Variants in DPYD observed in about 807,000 individuals in gnomAD.
DPYD encodes dihydropyrimidine dehydrogenase [NADP(+)].
Under a neutral mutation model 116.2 loss-of-function variants are expected in DPYD, and 109 were observed. The observed-to-expected ratio is 0.94, with a 90% CI of 0.80 to 1.10. DPYD has a LOEUF of 1.10. Ranked by LOEUF, DPYD falls within the 50% of genes least tolerant of loss-of-function variation. The probability of loss-of-function intolerance (pLI) is 0.00; values close to 1 mark genes in which losing one functional copy is unlikely to be tolerated. For synonymous variants in DPYD, 440 were observed against 432.0 expected (o/e 1.02, Z -0.23); for missense variants, 1,302 against 1,254.5 (o/e 1.04, Z -0.57).
At chr1:97,496,470 T>C (rs1290133004) in intron 13 of DPYD, among the ~76,000 whole-genome samples, 1 of 152,078 alleles carries the variant, frequency 6.6e-6, no homozygotes, top group Non-Finnish European at 1.5e-5. Context: ...ATATAGTTCA[T>C]TATCCTTTAA....
At chr1:97,265,293 CCTAAT>C (rs766695679) in intron 18 of DPYD, 9 of 152,228 alleles carry the variant, frequency 5.9e-5, no homozygotes, top group African/African-American at 1.7e-4. Context: ...TTCTCTGACC[CCTAAT>C]CTAAAGTCCC....
intron 18 of DPYD, among the ~76,000 whole-genome samples, chr1:97,272,358 G>A (rs138992711): frequency 2.6e-5 from 4 of 152,132 alleles, no homozygotes; most frequent in African/African-American, 9.6e-5. Flanking sequence ...CTGAGTAAAC[G>A]ATCATCAACC....
At chr1:97,327,493 A>T (rs1668767698) in intron 16 of DPYD, among the ~76,000 whole-genome samples, 1 of 152,018 alleles carries the variant, frequency 6.6e-6, no homozygotes, top group South Asian at 2.1e-4. Context: ...AATAAAGAAG[A>T]AAAAACTAAA....
At chr1:97,436,277 C>G (rs185603423) in intron 14 of DPYD, among the ~76,000 whole-genome samples, 1 of 152,114 alleles carries the variant, frequency 6.6e-6, no homozygotes, top group African/African-American at 2.4e-5. Flanking sequence ...TGAAATATTA[C>G]TAAATTGATA....
chr1:97,240,787 T>C (rs1662284607), intron 18 of DPYD, among the ~76,000 whole-genome samples: 2 of 149,794 alleles, frequency 1.3e-5, no homozygotes, highest in South Asian at 2.2e-4. Flanking sequence ...AACCTACATA[T>C]AAATGAACCA....
chr1:97,907,465 G>A (rs1275562548), intron 1 of DPYD, among the ~76,000 whole-genome samples: 1 of 152,072 alleles, frequency 6.6e-6, no homozygotes, highest in Non-Finnish European at 1.5e-5. Flanking sequence ...TCACGATCTC[G>A]ATTTTATAGA....
chr1:97,813,915 GACACACACACACAC>G (rs59229553), intron 3 of DPYD, among the ~76,000 whole-genome samples: 2 of 144,628 alleles, frequency 1.4e-5, no homozygotes, highest in African/African-American at 5.1e-5. Context: ...GAAACACACA[GACACACACACACAC>G]ACACACACAC....
At chr1:97,220,990 G>A (rs890655163) in intron 19 of DPYD, among the ~76,000 whole-genome samples, 6 of 152,134 alleles carry the variant, frequency 3.9e-5, no homozygotes, top group Non-Finnish European at 8.8e-5. Flanking sequence ...TAGAGCCCAG[G>A]AGCCCCAGAG....
chr1:97,545,584 G>A (rs2811167), intron 12 of DPYD: 13,998 of 476,816 alleles, frequency 0.029, 424 homozygotes, highest in African/African-American at 0.12. Flanking sequence ...GTAGATTAGA[G>A]ACACAAGGGA....
chr1:97,235,053 A>G, intron 18 of DPYD, 59 bp from the exon 19 acceptor site: 3 of 1,598,690 alleles, frequency 1.9e-6, no homozygotes, highest in Non-Finnish European at 2.6e-6. Context: ...ATACTGTCTT[A>G]TATTACTTCT....
intron 14 of DPYD, among the ~76,000 whole-genome samples, chr1:97,439,015 T>C (rs1403361102): frequency 6.6e-6 from 1 of 152,154 alleles, no homozygotes; most frequent in Admixed American, 6.5e-5. Flanking sequence ...TAGGCTTTGT[T>C]GTACATACCC....
chr1:97,129,668 C>G (rs1653126921), intron 20 of DPYD, among the ~76,000 whole-genome samples: 1 of 152,126 alleles, frequency 6.6e-6, no homozygotes, highest in Non-Finnish European at 1.5e-5. Flanking sequence ...CTTAGTCAGT[C>G]TCTTTTAATG....
At chr1:97,091,162 T>G (rs1448399017) in intron 21 of DPYD, among the ~76,000 whole-genome samples, 1 of 152,120 alleles carries the variant, frequency 6.6e-6, no homozygotes, top group South Asian at 2.1e-4. Context: ...GACACTGGGG[T>G]TCTTTCTACA....
At chr1:97,853,642 T>C (rs1283439406) in intron 2 of DPYD, among the ~76,000 whole-genome samples, 1 of 152,216 alleles carries the variant, frequency 6.6e-6, no homozygotes, top group Non-Finnish European at 1.5e-5. Flanking sequence ...TTTAGTATTT[T>C]CCAAAATGTT....
chr1:97,376,887 G>GTATATATATATATATATATATATA (rs1553166538), intron 15 of DPYD, among the ~76,000 whole-genome samples: 1 of 128,434 alleles, frequency 7.8e-6, no homozygotes, highest in Admixed American at 8.2e-5. Flanking sequence ...GTGTGTGTGT[G>GTATATATATATATATATATATATA]TATATATATA....
intron 14 of DPYD, among the ~76,000 whole-genome samples, chr1:97,396,279 G>A (rs898952590): frequency 2.0e-5 from 3 of 151,748 alleles, no homozygotes; most frequent in African/African-American, 7.3e-5. Context: ...ACAGTTGCAT[G>A]GCTAATAAGA....
intron 14 of DPYD, chr1:97,394,272 G>A (rs1417798555): frequency 6.6e-6 from 1 of 152,044 alleles, no homozygotes; most frequent in Non-Finnish European, 1.5e-5. Context: ...AGTTTCTTTT[G>A]CTGTGCAGAA....
chr1:97,819,308 G>T (rs770537842), intron 3 of DPYD, among the ~76,000 whole-genome samples: 82 of 151,836 alleles, frequency 5.4e-4, no homozygotes, highest in Admixed American at 3.9e-4. Context: ...ACATAATTAA[G>T]ATAGAATTTT....
intron 20 of DPYD, among the ~76,000 whole-genome samples, chr1:97,117,387 C>T (rs1652060820): frequency 6.6e-6 from 1 of 152,176 alleles, no homozygotes; most frequent in South Asian, 2.1e-4. Flanking sequence ...GAACCATATG[C>T]TAAAGCAAAG....
Sources: allele counts gnomAD v4.1 joint callset (sites outside exome capture counted in the v4.1 genomes callset), GRCh38; gene constraint gnomAD v4.1.1; transcripts MANE v1.5; gene names NCBI Gene and HGNC (gene_info 2026-07-23, HGNC 2026-07-21).